Variants in SLC25A12 observed in about 807,000 individuals in gnomAD.
SLC25A12 encodes the protein electrogenic aspartate/glutamate antiporter SLC25A12, mitochondrial.
SLC25A12 carries 32 observed loss-of-function variants against 83.3 expected under a neutral mutation model. That is an observed-to-expected ratio of 0.38 (90% CI 0.29 to 0.52). SLC25A12 has a LOEUF of 0.52. SLC25A12 is among the 20% of genes least tolerant of loss of function. The pLI is 0.84. For synonymous variants in SLC25A12, 267 were observed against 291.1 expected (o/e 0.92, Z 0.84); for missense variants, 611 against 835.6 (o/e 0.73, Z 3.31).
intron 8 of SLC25A12, among the ~76,000 whole-genome samples, chr2:171,828,234 C>T (rs2105880217): frequency 6.6e-6 from 1 of 152,366 alleles, no homozygotes; most frequent in East Asian, 1.9e-4. Flanking sequence ...ATGGGGATAG[C>T]TGCCCTGCCC....
chr2:171,864,191 C>A (rs1685231160), intron 3 of SLC25A12, among the ~76,000 whole-genome samples: 1 of 152,144 alleles, frequency 6.6e-6, no homozygotes, highest in African/African-American at 2.4e-5. Flanking sequence ...CTACTTACTG[C>A]CTAGTTTCTC....
chr2:171,808,700 CT>C (rs912470706), intron 13 of SLC25A12, among the ~76,000 whole-genome samples: 56 of 152,132 alleles, frequency 3.7e-4, no homozygotes, highest in Non-Finnish European at 7.1e-4. Flanking sequence ...AATGCCACCT[CT>C]TTTTTTGTTA....
In SLC25A12 at chr2:171,785,754, C is replaced by T. The variant is rs557307399; in HGVS notation, c.1836-279G>A. 2.6e-5 allele frequency among the ~76,000 whole-genome samples: 4 copies of T among 152,252 alleles called. No individual in the cohort carries two copies. In the South Asian group the frequency reaches 8.3e-4, roughly 32 times the overall value. ...ATAGGAAAAAAGTCAGAAGAAAAGACACTCAAATATGAAGACTCTCTGGGT... is the reference window on the plus strand; with the variant it reads ...ATAGGAAAAAAGTCAGAAGAAAAGATACTCAAATATGAAGACTCTCTGGGT... On this transcript the variant is annotated intron_variant, in intron 17 of 17. Coordinates refer to ENST00000422440, the MANE Select transcript of SLC25A12 (RefSeq NM_003705.5).
At chr2:171,797,389 A>G (rs1683620447) in intron 13 of SLC25A12, among the ~76,000 whole-genome samples, 1 of 152,232 alleles carries the variant, frequency 6.6e-6, no homozygotes, top group Non-Finnish European at 1.5e-5. Flanking sequence ...GATCATAAAT[A>G]TGTCAAAATT....
At chr2:171,890,157 C>T (rs1007460842) in intron 2 of SLC25A12, among the ~76,000 whole-genome samples, 14 of 152,180 alleles carry the variant, frequency 9.2e-5, no homozygotes, top group South Asian at 6.2e-4. Flanking sequence ...TCTTGATATT[C>T]GACTTGGTGT....
At chr2:171,881,864 G>A (rs1290897999) in intron 2 of SLC25A12, among the ~76,000 whole-genome samples, 2 of 152,250 alleles carry the variant, frequency 1.3e-5, no homozygotes, top group African/African-American at 4.8e-5. Flanking sequence ...CAGAAAAGAA[G>A]ATGGGGAGAG....
intron 14 of SLC25A12, 109 bp downstream of exon 14, chr2:171,793,518 C>T (rs1301036795): frequency 6.0e-6 from 7 of 1,157,040 alleles, no homozygotes; most frequent in Non-Finnish European, 3.9e-6. Context: ...ATTTTCTGCT[C>T]CACAGACTAC....
intron 14 of SLC25A12, among the ~76,000 whole-genome samples, chr2:171,791,957 CTTAAG>C (rs758742843): frequency 3.2e-4 from 48 of 152,262 alleles, no homozygotes; most frequent in Admixed American, 5.2e-4. Context: ...GATCTACCCT[CTTAAG>C]TTTTTACATC....
intron 3 of SLC25A12, among the ~76,000 whole-genome samples, chr2:171,863,526 C>T (rs190077293): frequency 3.2e-5 from 2 of 62,120 alleles, no homozygotes; most frequent in Admixed American, 1.5e-4. Context: ...ACTCCGTCTC[C>T]GACAAAAAAA....
At chr2:171,848,767 T>C (rs1325820109) in intron 4 of SLC25A12, among the ~76,000 whole-genome samples, 1 of 152,222 alleles carries the variant, frequency 6.6e-6, no homozygotes, top group Non-Finnish European at 1.5e-5. Context: ...TGACCTCCTG[T>C]TTCTCTGAGA....
intron 3 of SLC25A12, among the ~76,000 whole-genome samples, chr2:171,860,362 C>T (rs1045346411): frequency 6.6e-6 from 1 of 152,052 alleles, no homozygotes; most frequent in Non-Finnish European, 1.5e-5. Flanking sequence ...GGGTGGATCA[C>T]TTGAGGTCAG....
intron 3 of SLC25A12, among the ~76,000 whole-genome samples, chr2:171,866,500 G>A (rs1202031587): frequency 1.7e-4 from 23 of 139,204 alleles, no homozygotes; most frequent in African/African-American, 5.4e-4. Context: ...GTGGCTGGCC[G>A]GGCAGAGGGG....
Position 171,785,066 on chromosome 2 carries a change from CAT to C in SLC25A12, c.*206_*207del, listed in dbSNP as rs1478270566. 5 of 547,632 alleles carry C rather than the reference CAT, an allele frequency of 9.1e-6. No individual in the cohort carries two copies. The highest frequency in any genetic ancestry group is 1.7e-5 in the Non-Finnish European group (5 of 302,382). The allele number at this position is 547,632 out of a possible 1,614,324, so 33.9% of individuals were successfully genotyped here. A position where few individuals can be genotyped will look rare whatever the true frequency, so the allele number is the denominator to read the frequency against. ...CAAGGCTTACAAAAACATTTCAACA[CAT>C]AAGACTAAAGCTTGAAACAGCGTTG... On this transcript the variant is annotated 3_prime_UTR_variant, in exon 18 of 18. Transcript: ENST00000422440.
At chr2:171,805,969 G>T (rs1269599263) in intron 13 of SLC25A12, among the ~76,000 whole-genome samples, 1 of 151,716 alleles carries the variant, frequency 6.6e-6, no homozygotes, top group Non-Finnish European at 1.5e-5. Context: ...ATTAGCAGAG[G>T]ATGGTGGCAT....
intron 11 of SLC25A12, among the ~76,000 whole-genome samples, chr2:171,811,099 A>T (rs1295925441): frequency 6.6e-6 from 1 of 152,228 alleles, no homozygotes. Context: ...TTTTTTGCAT[A>T]CATTTTTTAA....
At chr2:171,892,180 A>G (rs55864623) in intron 2 of SLC25A12, among the ~76,000 whole-genome samples, 27,512 of 152,098 alleles carry the variant, frequency 0.18, 2,843 homozygotes, top group Non-Finnish European at 0.24. Flanking sequence ...AAGATTTCAG[A>G]GAGAAATGCA....
chr2:171,812,484 T>G (rs923213431), intron 11 of SLC25A12, among the ~76,000 whole-genome samples: 4 of 152,170 alleles, frequency 2.6e-5, no homozygotes, highest in African/African-American at 9.7e-5. Flanking sequence ...AGAGAGTATT[T>G]TCATAGAATC....
chr2:171,791,260 T>C (rs1268486543), intron 15 of SLC25A12, among the ~76,000 whole-genome samples, 191 bp downstream of exon 15: 1 of 152,152 alleles, frequency 6.6e-6, no homozygotes, highest in Non-Finnish European at 1.5e-5. Flanking sequence ...AAGCTGTTTA[T>C]CCACATTATG....
At chr2:171,875,073 G>A (rs1330057545) in intron 2 of SLC25A12, among the ~76,000 whole-genome samples, 1 of 152,098 alleles carries the variant, frequency 6.6e-6, no homozygotes, top group South Asian at 2.1e-4. Flanking sequence ...CCTCTGATTG[G>A]TTGCTTTCCG....
Sources: allele counts gnomAD v4.1 joint callset (sites outside exome capture counted in the v4.1 genomes callset), GRCh38; gene constraint gnomAD v4.1.1; transcripts MANE v1.5; gene names NCBI Gene and HGNC (gene_info 2026-07-23, HGNC 2026-07-21).